The following SCAF8 variants were observed in gnomAD, a reference collection of about 807,000 sequenced individuals.
SCAF8 encodes the protein SR-related and CTD-associated factor 8.
SCAF8 carries 23 observed loss-of-function variants against 140.5 expected under a neutral mutation model. That is an observed-to-expected ratio of 0.16 (90% CI 0.12 to 0.23). The LOEUF is 0.23. Among genes scored for constraint, SCAF8 ranks in the 10% least tolerant of loss-of-function variants. The pLI is 1.00. For synonymous variants in SCAF8, 575 were observed against 528.9 expected (o/e 1.09, Z -1.20); for missense variants, 1,397 against 1,555.7 (o/e 0.90, Z 1.72).
rs141036448 is a variant in SCAF8, at chr6:154,821,331, T to C, written c.1793-945T>C. Among the ~76,000 whole-genome samples the C allele has an allele frequency of 9.7e-3, 1,477 of 152,250 alleles. 29 individuals are homozygous for C. Among genetic ancestry groups the C allele is most frequent in the African/African-American group, 0.034 (1,401 of 41,536 alleles). ...TGAAACATAGCCATGCTCACTTGTT[T>C]TCCTATTCTGTTTTACTTTTTTTTT... On this transcript the variant is annotated intron_variant, in intron 15 of 19. Transcript: ENST00000367178.
At chr6:154,764,391 A>G (rs1018773541) in intron 1 of SCAF8, among the ~76,000 whole-genome samples, 4 of 151,944 alleles carry the variant, frequency 2.6e-5, no homozygotes, top group African/African-American at 7.3e-5. Context: ...GGTTATTTCA[A>G]TCTCTGAGGT....
At position 154,733,484 on chromosome 6, in the gene SCAF8, G is replaced by C; in HGVS notation, c.-417G>C. On this transcript the variant is annotated 5_prime_UTR_variant, in exon 1 of 20. Transcript: ENST00000367178. ...TCTTCGCCGAGCGGGGCTGGTTCCT[G>C]CGGCCCGAGCGGCGGGGAGGTGAAA... 7.5e-7 allele frequency: 1 copy of C among 1,331,436 alleles called. No homozygotes were observed. Among genetic ancestry groups the C allele is most frequent in the South Asian group, 1.9e-5 (1 of 51,512 alleles). 82.5% of individuals were successfully genotyped at this position (1,331,436 alleles called of 1,614,324 possible).
At chr6:154,739,619 A>G (rs1368256621) in intron 1 of SCAF8, among the ~76,000 whole-genome samples, 1 of 152,222 alleles carries the variant, frequency 6.6e-6, no homozygotes, top group Non-Finnish European at 1.5e-5. Flanking sequence ...ACCTTTAGTT[A>G]TATTTAGGAT....
intron 1 of SCAF8, among the ~76,000 whole-genome samples, chr6:154,749,052 C>T (rs1161517555): frequency 6.6e-6 from 1 of 152,214 alleles, no homozygotes; most frequent in Non-Finnish European, 1.5e-5. Flanking sequence ...AGTGATTCTC[C>T]TGCCTCAGCC....
At chr6:154,741,839 T>C (rs1469265569) in intron 1 of SCAF8, 1 of 644,872 alleles carries the variant, frequency 1.6e-6, no homozygotes, top group African/African-American at 1.8e-5. Flanking sequence ...CTCATAATGG[T>C]GTGAAAGAAT....
intron 1 of SCAF8, among the ~76,000 whole-genome samples, chr6:154,763,553 T>A (rs902595734): frequency 2.0e-5 from 3 of 152,200 alleles, no homozygotes; most frequent in Non-Finnish European, 4.4e-5. Context: ...CATAGTAGAA[T>A]TCATTTCATA....
chr6:154,793,021 T>C (rs752396035), intron 5 of SCAF8, 45 bp downstream of exon 5: 33 of 1,467,522 alleles, frequency 2.2e-5, no homozygotes, highest in Non-Finnish European at 2.7e-5. Context: ...ATTCTACTCA[T>C]ACTTTTTGGA....
In SCAF8 at chr6:154,802,026, T is replaced by A; in HGVS notation, c.662T>A (p.Ile221Asn). 6.2e-7 allele frequency: 1 copy of A among 1,611,548 alleles called. No homozygotes were observed. Among genetic ancestry groups the A allele is most frequent in the Non-Finnish European group, 8.5e-7 (1 of 1,178,630 alleles). ...QIQQQKPQPS[I>N]LQALDAGLVV... ...CAACAACAGAAGCCCCAGCCTTCCA[T>A]TCTGCAGGCCCTAGATGCTGGTCTT... The change falls in exon 7 of 20, where the codon ATT becomes AAT. Residue 221 changes from isoleucine (I) to asparagine (N), a missense_variant. Around this residue, in one of 5 missense-constraint regions of SCAF8, gnomAD observed 339 missense variants for 407.5 expected, o/e 0.83. Coordinates refer to ENST00000367178, the MANE Select transcript of SCAF8 (RefSeq NM_014892.5).
At chr6:154,815,124 C>A (rs990010989) in intron 12 of SCAF8, among the ~76,000 whole-genome samples, 1 of 151,932 alleles carries the variant, frequency 6.6e-6, no homozygotes, top group African/African-American at 2.4e-5. Flanking sequence ...GGTGAAACCC[C>A]GTCTCTACTA....
chr6:154,798,238 G>T (rs1461688430), intron 6 of SCAF8, among the ~76,000 whole-genome samples: 7 of 151,472 alleles, frequency 4.6e-5, no homozygotes. Context: ...GAAGGGCTTT[G>T]GAAATCCAGA....
At chr6:154,818,451 C>T in intron 13 of SCAF8, 28 bp from the exon 14 acceptor site, 1 of 1,344,218 alleles carries the variant, frequency 7.4e-7, no homozygotes, top group African/African-American at 1.5e-5. Flanking sequence ...GTTCTTATAC[C>T]TTTTCTTAAA....
At chr6:154,788,281 G>A (rs1033825385) in intron 4 of SCAF8, among the ~76,000 whole-genome samples, 15 of 152,270 alleles carry the variant, frequency 9.9e-5, no homozygotes, top group Admixed American at 1.3e-4. Flanking sequence ...CATGTTTGTA[G>A]TCTAGGAGCA....
intron 1 of SCAF8, among the ~76,000 whole-genome samples, chr6:154,746,827 C>A (rs563245145): frequency 6.6e-6 from 1 of 152,126 alleles, no homozygotes; most frequent in South Asian, 2.1e-4. Flanking sequence ...GTTTATATTC[C>A]ATTTTGACTT....
At chr6:154,761,528 G>T (rs1179331018) in intron 1 of SCAF8, among the ~76,000 whole-genome samples, 2 of 152,130 alleles carry the variant, frequency 1.3e-5, no homozygotes, top group Non-Finnish European at 2.9e-5. Context: ...AATCATTTTG[G>T]AAGTTTTCAG....
In SCAF8 at chr6:154,741,151, T is replaced by C. The variant is rs184974552; in HGVS notation, c.30+7221T>C. Among the ~76,000 whole-genome samples, 14 of 152,292 alleles carry C rather than the reference T, an allele frequency of 9.2e-5. 1 individual carries two copies. The South Asian group carries it at 1.5e-3, about 16-fold the overall frequency. On this transcript the variant is annotated intron_variant, in intron 1 of 19. Coordinates refer to ENST00000367178, the MANE Select transcript of SCAF8 (RefSeq NM_014892.5). ...CTGTTTTTCTGTTTGAAATGACATATAGAAGTTTTTTTCTTACATTAAAAA... is the reference window on the plus strand; with the variant it reads ...CTGTTTTTCTGTTTGAAATGACATACAGAAGTTTTTTTCTTACATTAAAAA...
chr6:154,813,263 A>G (rs775216148), intron 12 of SCAF8, among the ~76,000 whole-genome samples: 6 of 151,942 alleles, frequency 3.9e-5, no homozygotes, highest in Non-Finnish European at 8.8e-5. Flanking sequence ...ACTGGCTCAA[A>G]CCTATAATCC....
intron 1 of SCAF8, among the ~76,000 whole-genome samples, chr6:154,749,025 T>G (rs142684256): frequency 0.016 from 2,392 of 152,336 alleles, 37 homozygotes; most frequent in South Asian, 0.054. Context: ...CACTGCAACT[T>G]CTGCCTCCTG....
At chr6:154,827,065 G>T (rs1029671529) in intron 17 of SCAF8, 107 bp from the exon 18 acceptor site, 3 of 853,100 alleles carry the variant, frequency 3.5e-6, no homozygotes, top group African/African-American at 3.5e-5. Flanking sequence ...ATATGAGGTT[G>T]TAGTCCATTT....
chr6:154,793,956 C>G (rs1777506772), intron 5 of SCAF8, among the ~76,000 whole-genome samples: 1 of 149,144 alleles, frequency 6.7e-6, no homozygotes, highest in Non-Finnish European at 1.5e-5. Context: ...AGACCTTGCT[C>G]TGTCACCCAG....
Sources: allele counts gnomAD v4.1 joint callset (sites outside exome capture counted in the v4.1 genomes callset), GRCh38; gene constraint gnomAD v4.1.1; regional missense constraint gnomAD v4.1.1; transcripts MANE v1.5; gene names NCBI Gene and HGNC (gene_info 2026-07-23, HGNC 2026-07-21).